Variants in C11orf65 observed in about 807,000 individuals in gnomAD.
The protein encoded by C11orf65 is chromosome 11 open reading frame 65.
A neutral mutation model predicts 35.3 loss-of-function variants in C11orf65; 38 were observed. The ratio of observed to expected loss-of-function variants is 1.08; its 90% CI spans 0.83 to 1.41. C11orf65 has a LOEUF of 1.41. Among genes scored for constraint, C11orf65 ranks in the 40% most tolerant of loss-of-function variants. The pLI, the probability that C11orf65 is intolerant of heterozygous loss-of-function variation, is 0.00. For synonymous variants in C11orf65, 105 were observed against 114.4 expected, an observed-to-expected ratio of 0.92 and a Z score of 0.53; for missense variants, 370 against 367.1, an observed-to-expected ratio of 1.01 and a Z score of -0.06.
intron 2 of C11orf65, chr11:108,336,255 A>C (rs1212448686): frequency 2.9e-6 from 1 of 345,740 alleles, no homozygotes; most frequent in African/African-American, 2.1e-5. Context: ...CAGTGAGCTC[A>C]AACTCTGCAG....
chr11:108,369,368 T>C (rs561610805), intron 2 of C11orf65, among the ~76,000 whole-genome samples: 1 of 152,322 alleles, frequency 6.6e-6, no homozygotes, highest in African/African-American at 2.4e-5. Flanking sequence ...ATGTTCTTTC[T>C]TTGGGCCTAG....
At chr11:108,406,742 T>A in intron 5 of C11orf65, 21 bp downstream of exon 5, 1 of 1,497,512 alleles carries the variant, frequency 6.7e-7, no homozygotes, top group Non-Finnish European at 9.1e-7. Context: ...AGGTTAAAAA[T>A]TAACATTTCT....
intron 2 of C11orf65, among the ~76,000 whole-genome samples, chr11:108,342,231 C>T (rs1449377436): frequency 2.6e-5 from 4 of 151,844 alleles, no homozygotes; most frequent in East Asian, 1.9e-4. Flanking sequence ...AATATGTTCA[C>T]GAGTAGTTTA....
At chr11:108,441,450 G>A (rs1392254020) in intron 2 of C11orf65, among the ~76,000 whole-genome samples, 2 of 152,222 alleles carry the variant, frequency 1.3e-5, no homozygotes, top group African/African-American at 4.8e-5. Flanking sequence ...AAACGTCCCT[G>A]TCTGACAGCT....
rs864622610 is a variant in C11orf65, at chr11:108,333,884, A to G, written c.299+1336T>C. ...CTAAAATCTCTTCATTTTTAAATACAGAAGGCATAAATATTCCAGCAGACC... is the reference window on the plus strand; with the variant it reads ...CTAAAATCTCTTCATTTTTAAATACGGAAGGCATAAATATTCCAGCAGACC... On this transcript the variant is annotated intron_variant, in intron 3 of 3. Transcript: ENST00000524755. 1.9e-6 allele frequency: 3 copies of G among 1,599,554 alleles called. No homozygotes were observed. The highest frequency in any genetic ancestry group is 1.7e-4 in the Middle Eastern group (1 of 6,034).
At chr11:108,377,260 C>T (rs2091754638) in intron 2 of C11orf65, among the ~76,000 whole-genome samples, 1 of 152,102 alleles carries the variant, frequency 6.6e-6, no homozygotes, top group Non-Finnish European at 1.5e-5. Flanking sequence ...AATCCAGCAG[C>T]ACATCAAAAA....
intron 6 of C11orf65, chr11:108,315,882 T>C (rs748738992): frequency 6.2e-7 from 1 of 1,612,984 alleles, no homozygotes; most frequent in South Asian, 1.1e-5. Flanking sequence ...ATGGCTGTGG[T>C]GGAGGGAAGA....
Position 108,446,771 on chromosome 11 carries a change from T to C in C11orf65, c.81+14708A>G, listed in dbSNP as rs61913883. On this transcript the variant is annotated intron_variant, in intron 2 of 8. Coordinates refer to ENST00000393084, the MANE Select transcript of C11orf65 (RefSeq NM_152587.5). Reference sequence around the variant, plus strand: ...AACATCATAATGACAGGACCAAATTTACACATAACAATATTAACTTTAAAT... The same window carrying C: ...AACATCATAATGACAGGACCAAATTCACACATAACAATATTAACTTTAAAT... Among the ~76,000 whole-genome samples the C allele has an allele frequency of 3.7e-3, 552 of 151,106 alleles. 4 individuals carry two copies. The highest frequency in any genetic ancestry group is 5.2e-3 in the Non-Finnish European group (355 of 67,752).
At chr11:108,461,939 T>G (rs915439645) in intron 1 of C11orf65, among the ~76,000 whole-genome samples, 1 of 152,128 alleles carries the variant, frequency 6.6e-6, no homozygotes, top group Non-Finnish European at 1.5e-5. Flanking sequence ...TTTTATATGC[T>G]CTATTATAAA....
intron 6 of C11orf65, 84 bp from the exon 7 acceptor site, chr11:108,393,462 T>C: frequency 7.8e-7 from 1 of 1,289,410 alleles, no homozygotes; most frequent in East Asian, 2.3e-5. Context: ...TTGTTGCTAT[T>C]TACATATTAA....
chr11:108,343,101 A>G (rs1297955650), intron 2 of C11orf65: 2 of 1,273,488 alleles, frequency 1.6e-6, no homozygotes, highest in Non-Finnish European at 2.3e-6. Flanking sequence ...TCTTCTATGG[A>G]CAGAGAAATA....
Position 108,406,948 on chromosome 11 carries a change from C to T in C11orf65, c.244G>A (p.Asp82Asn), listed in dbSNP as rs765960977. The change falls in exon 5 of 9, where the codon GAT becomes AAT. Residue 82 changes from aspartate to asparagine, a missense_variant. By Grantham distance (23) the Asp-to-Asn change is conservative. Coordinates refer to ENST00000393084, the MANE Select transcript of C11orf65 (RefSeq NM_152587.5). ...FRLGGVKFPP[D>N]IYYKIFTHRP... ...TGAGTAAAAATCTTATAGTATATATCAGGTGGAAATTTAACCTGTAGAAGG... is the reference window on the plus strand; with the variant it reads ...TGAGTAAAAATCTTATAGTATATATTAGGTGGAAATTTAACCTGTAGAAGG... The T allele has an allele frequency of 6.2e-7, 1 of 1,609,300 alleles. No homozygotes were observed. The highest frequency in any genetic ancestry group is 8.5e-7 in the Non-Finnish European group (1 of 1,176,194).
chr11:108,343,401 G>A lies in C11orf65; in HGVS notation c.227-8109C>T, dbSNP rs191244813. On this transcript the variant is annotated intron_variant, in intron 2 of 3. Transcript: ENST00000524755. ...GTGACACCCAAAATTAAAGGTTATT[G>A]TAAGATTATTTAATGGCTTATTAAA... 78 of 1,612,390 alleles carry A rather than the reference G, an allele frequency of 4.8e-5. No individual in the cohort carries two copies. The African/African-American group carries it at 8.8e-4, about 18-fold the overall frequency.
At chr11:108,416,785 A>G (rs1393629987) in intron 3 of C11orf65, among the ~76,000 whole-genome samples, 1 of 152,198 alleles carries the variant, frequency 6.6e-6, no homozygotes, top group Non-Finnish European at 1.5e-5. Context: ...TGGAGTGGTA[A>G]TTCTTTGCTG....
At chr11:108,449,387 A>G (rs567465581) in intron 2 of C11orf65, among the ~76,000 whole-genome samples, 1 of 152,098 alleles carries the variant, frequency 6.6e-6, no homozygotes, top group South Asian at 2.1e-4. Flanking sequence ...TTCAAACTAT[A>G]CTACAAGGCT....
chr11:108,340,943 T>C (rs954029023), intron 2 of C11orf65, among the ~76,000 whole-genome samples: 1 of 152,224 alleles, frequency 6.6e-6, no homozygotes, highest in Non-Finnish European at 1.5e-5. Context: ...TTGAGGTTTT[T>C]TTGGTGAATA....
intron 6 of C11orf65, among the ~76,000 whole-genome samples, chr11:108,317,974 C>T (rs898965507): frequency 1.3e-5 from 2 of 152,034 alleles, no homozygotes; most frequent in Non-Finnish European, 2.9e-5. Context: ...CTACTTCCTG[C>T]TACAAACATT....
chr11:108,325,266 T>TAAA, intron 6 of C11orf65: 1 of 1,105,278 alleles, frequency 9.0e-7, no homozygotes, highest in East Asian at 2.4e-5. Flanking sequence ...TTTTTTTTTT[T>TAAA]TTCATTTCTC....
At chr11:108,383,925 C>T (rs1244913621) in intron 8 of C11orf65, among the ~76,000 whole-genome samples, 1 of 145,914 alleles carries the variant, frequency 6.9e-6, no homozygotes, top group East Asian at 2.0e-4. Context: ...GGCTAGAGTG[C>T]AGTGGCGCAA....
Sources: gnomAD v4.1 joint callset for allele counts (sites outside exome capture counted in the v4.1 genomes callset) on GRCh38, gnomAD v4.1.1 for gene constraint, MANE v1.5 for transcripts, NCBI Gene and HGNC (gene_info 2026-07-23, HGNC 2026-07-21) for gene names.